ROBO2: variants seen among roughly 807,000 people sequenced by gnomAD.
The protein encoded by ROBO2 is roundabout homolog 2.
A neutral mutation model predicts 160.8 loss-of-function variants in ROBO2; 53 were observed. That is an observed-to-expected ratio of 0.33 (90% CI 0.26 to 0.41). The LOEUF (loss-of-function observed/expected upper bound fraction) is 0.41, where lower values mean the gene tolerates loss of function less well. Ranked by LOEUF, ROBO2 falls within the 10% of genes least tolerant of loss-of-function variation. The pLI is 1.00. For synonymous variants in ROBO2, 664 were observed against 611.7 expected (o/e 1.09, Z -1.26); for missense variants, 1,577 against 1,722.4 (o/e 0.92, Z 1.49).
At chr3:77,104,802 G>A (rs12489853) in intron 2 of ROBO2, among the ~76,000 whole-genome samples, 8 of 152,042 alleles carry the variant, frequency 5.3e-5, no homozygotes, top group Admixed American at 2.0e-4. Flanking sequence ...TTTCTATGTC[G>A]TATGTCCATA....
chr3:76,107,625 G>T (rs998155060), intron 2 of ROBO2, among the ~76,000 whole-genome samples: 4 of 151,906 alleles, frequency 2.6e-5, no homozygotes, highest in African/African-American at 9.7e-5. Context: ...GTTGGAAAAG[G>T]CTTGTGATTA....
chr3:76,174,577 A>G (rs2073159750), intron 2 of ROBO2, among the ~76,000 whole-genome samples: 1 of 152,214 alleles, frequency 6.6e-6, no homozygotes, highest in African/African-American at 2.4e-5. Context: ...TGTTATCTGC[A>G]TATGGCTAGT....
chr3:76,835,056 T>C (rs1576941894), intron 2 of ROBO2, among the ~76,000 whole-genome samples: 2 of 152,126 alleles, frequency 1.3e-5, no homozygotes, highest in South Asian at 4.1e-4. Flanking sequence ...ATTGTGACTA[T>C]AGAATGCAAA....
chr3:77,591,398 T>G (rs369130661), intron 17 of ROBO2, among the ~76,000 whole-genome samples: 11 of 152,128 alleles, frequency 7.2e-5, no homozygotes, highest in African/African-American at 2.7e-4. Flanking sequence ...TTTGCCACAG[T>G]TATGTTTTCT....
chr3:76,686,205 G>A (rs2092682330), intron 2 of ROBO2, among the ~76,000 whole-genome samples: 1 of 151,940 alleles, frequency 6.6e-6, no homozygotes, highest in Non-Finnish European at 1.5e-5. Flanking sequence ...GGTGTAGAGA[G>A]GAAAAGGAGT....
intron 2 of ROBO2, among the ~76,000 whole-genome samples, chr3:76,703,414 G>A (rs1020092267): frequency 2.0e-5 from 3 of 152,036 alleles, no homozygotes; most frequent in East Asian, 1.9e-4. Context: ...TGTGCAGAAC[G>A]TGCAGGTTTG....
intron 2 of ROBO2, among the ~76,000 whole-genome samples, chr3:76,622,249 A>AGAAAGAAAGAAAGAAAGAAGGAAGGAAG (rs1560252338): frequency 3.8e-5 from 2 of 52,672 alleles, no homozygotes; most frequent in East Asian, 6.3e-4. Flanking sequence ...AAAGAAAGAA[A>AGAAAGAAAGAAAGAAAGAAGGAAGGAAG]GAAAGAAAGA....
At chr3:76,242,670 G>T (rs1705364301) in intron 2 of ROBO2, among the ~76,000 whole-genome samples, 4 of 152,068 alleles carry the variant, frequency 2.6e-5, no homozygotes, top group Admixed American at 2.0e-4. Context: ...AGGATTGCTT[G>T]AGCCCTGGAA....
intron 2 of ROBO2, among the ~76,000 whole-genome samples, chr3:76,214,389 G>C (rs1703355858): frequency 6.6e-6 from 1 of 152,178 alleles, no homozygotes. Flanking sequence ...GAAGCACAAG[G>C]GGTCAGGGAA....
chr3:76,427,015 A>T (rs559295953), intron 2 of ROBO2, among the ~76,000 whole-genome samples: 1 of 152,256 alleles, frequency 6.6e-6, no homozygotes, highest in South Asian at 2.1e-4. Flanking sequence ...ATGCACGTGA[A>T]TATGTTGTGC....
chr3:76,048,403 T>C (rs1209383379), intron 2 of ROBO2, among the ~76,000 whole-genome samples: 1 of 152,204 alleles, frequency 6.6e-6, no homozygotes, highest in Non-Finnish European at 1.5e-5. Context: ...ACACACATCA[T>C]GATTGACACT....
intron 3 of ROBO2, among the ~76,000 whole-genome samples, chr3:77,477,859 A>G (rs1467934683): frequency 4.2e-5 from 5 of 119,788 alleles, no homozygotes. Flanking sequence ...TTTTTGAGAC[A>G]GAGTCTTGCT....
chr3:77,236,859 T>C (rs983581443), intron 2 of ROBO2, among the ~76,000 whole-genome samples: 8 of 152,210 alleles, frequency 5.3e-5, no homozygotes, highest in Non-Finnish European at 1.2e-4. Flanking sequence ...CCATATTTCA[T>C]TGTGGCTTGA....
At chr3:77,121,552 G>A (rs553020025) in intron 2 of ROBO2, among the ~76,000 whole-genome samples, 36 of 151,978 alleles carry the variant, frequency 2.4e-4, no homozygotes, top group African/African-American at 8.5e-4. Context: ...TGCAAGTAAC[G>A]AAAATTTCTC....
chr3:76,272,909 A>T lies in ROBO2; in HGVS notation c.109+335307A>T, dbSNP rs1212687467. Among the ~76,000 whole-genome samples the T allele has an allele frequency of 7.2e-4, 21 of 29,228 alleles. 5 individuals carry two copies. Among genetic ancestry groups the T allele is most frequent in the African/African-American group, 1.9e-3 (21 of 11,210 alleles). 19.2% of individuals were successfully genotyped at this position (29,228 alleles called of 152,430 possible). The stretch of plus-strand genomic sequence containing the variant: ...ATATATAAAAATATAATATATATTT[A>T]TATATAAAATATATATATTTATATA... On this transcript the variant is annotated intron_variant, in intron 2 of 26. Transcript: ENST00000487694.
intron 2 of ROBO2, among the ~76,000 whole-genome samples, chr3:76,375,836 A>G (rs1029544474): frequency 6.6e-6 from 1 of 152,070 alleles, no homozygotes; most frequent in African/African-American, 2.4e-5. Flanking sequence ...TAGGTAAAAT[A>G]TCATAAAGTC....
chr3:77,178,236 A>G (rs1017193227), intron 2 of ROBO2, among the ~76,000 whole-genome samples: 4 of 152,036 alleles, frequency 2.6e-5, no homozygotes, highest in African/African-American at 9.7e-5. Context: ...TTTCCATGCC[A>G]TATAATCCAG....
chr3:77,634,883 C>G lies in ROBO2; in HGVS notation c.3774C>G (p.Thr1258=), dbSNP rs540323179. ...TTTTCATTTTAGGAAAAGCCTTTAC[C>G]TCCTCTCAAAGACCTCGACCTACCA... The change falls in exon 24 of 26, where the codon ACC becomes ACG. Residue 1258 remains threonine (T), a synonymous_variant. Transcript: ENST00000461745. The G allele has an allele frequency of 2.5e-6, 4 of 1,613,946 alleles. No homozygotes were observed. In the South Asian group the frequency reaches 4.4e-5, roughly 18 times the overall value.
At chr3:76,696,073 G>C (rs768322147) in intron 2 of ROBO2, among the ~76,000 whole-genome samples, 3 of 152,076 alleles carry the variant, frequency 2.0e-5, no homozygotes, top group Non-Finnish European at 4.4e-5. Flanking sequence ...TCTCATCAAA[G>C]TGTTCTTAGC....
Sources: allele counts gnomAD v4.1 joint callset (sites outside exome capture counted in the v4.1 genomes callset), GRCh38; gene constraint gnomAD v4.1.1; transcripts MANE v1.5; gene names NCBI Gene and HGNC (gene_info 2026-07-23, HGNC 2026-07-21).